ACOXL: variants seen among roughly 807,000 people sequenced by gnomAD.
ACOXL encodes acyl-CoA oxidase like.
ACOXL carries 70 observed loss-of-function variants against 71.9 expected under a neutral mutation model. That is an observed-to-expected ratio of 0.97 (90% CI 0.80 to 1.19). The LOEUF (loss-of-function observed/expected upper bound fraction) is 1.19, where lower values mean the gene tolerates loss of function less well. ACOXL is among the 50% of genes most tolerant of loss of function. The pLI is 0.00. For missense variants in ACOXL, 703 were observed against 736.3 expected (o/e 0.95, Z 0.52); for synonymous variants, 253 against 281.6 (o/e 0.90, Z 1.02).
chr2:110,900,087 ACACACACACACACACACACACAC>A (rs2059169100), intron 10 of ACOXL, among the ~76,000 whole-genome samples: 1 of 4,154 alleles, frequency 2.4e-4, no homozygotes, highest in Non-Finnish European at 6.7e-4. Context: ...ACACACACAT[ACACACACACACACACACACACAC>A]ACACACACAC....
chr2:110,757,746 T>C (rs916871640), intron 1 of ACOXL, among the ~76,000 whole-genome samples: 2 of 152,050 alleles, frequency 1.3e-5, no homozygotes, highest in African/African-American at 4.8e-5. Flanking sequence ...AATGGGGTTT[T>C]TTTTTTTCTT....
intron 11 of ACOXL, 140 bp from the exon 12 acceptor site, chr2:110,933,349 C>A: frequency 9.6e-7 from 1 of 1,046,728 alleles, no homozygotes; most frequent in South Asian, 2.0e-5. Context: ...TTTTTAGTGA[C>A]TATCTACAGT....
At chr2:110,929,762 C>T (rs577321993) in intron 11 of ACOXL, among the ~76,000 whole-genome samples, 5 of 152,302 alleles carry the variant, frequency 3.3e-5, no homozygotes, top group East Asian at 3.9e-4. Context: ...GCTGCTGTAG[C>T]GATGGCTAAA....
intron 10 of ACOXL, among the ~76,000 whole-genome samples, chr2:110,880,949 C>A (rs1696561347): frequency 6.6e-6 from 1 of 152,200 alleles, no homozygotes; most frequent in South Asian, 2.1e-4. Context: ...GATTTTTAAT[C>A]TCTTAGGAAG....
intron 10 of ACOXL, among the ~76,000 whole-genome samples, chr2:110,865,688 A>G (rs1030241977): frequency 2.6e-5 from 4 of 152,250 alleles, no homozygotes; most frequent in African/African-American, 4.8e-5. Flanking sequence ...TGCAGAGGCC[A>G]GCACTGCCAT....
chr2:110,981,227 A>G (rs1192578048), intron 12 of ACOXL, among the ~76,000 whole-genome samples: 1 of 152,198 alleles, frequency 6.6e-6, no homozygotes, highest in Non-Finnish European at 1.5e-5. Flanking sequence ...GTGTGGTAGC[A>G]GGCGCCTGTA....
chr2:110,909,193 T>C (rs1049297164), intron 11 of ACOXL, among the ~76,000 whole-genome samples: 7 of 152,196 alleles, frequency 4.6e-5, no homozygotes, highest in Admixed American at 3.9e-4. Context: ...AGCCAATGTT[T>C]CTCCAGAGTT....
intron 3 of ACOXL, among the ~76,000 whole-genome samples, chr2:110,789,284 G>C (rs1244076989): frequency 6.6e-6 from 1 of 152,204 alleles, no homozygotes; most frequent in Non-Finnish European, 1.5e-5. Flanking sequence ...GTGCAATCTG[G>C]AAGGACTCTA....
At chr2:111,054,197 A>T (rs1418369495) in intron 16 of ACOXL, among the ~76,000 whole-genome samples, 1 of 152,212 alleles carries the variant, frequency 6.6e-6, no homozygotes, top group Non-Finnish European at 1.5e-5. Flanking sequence ...CACAGTAGAA[A>T]AACCAAGCTG....
At chr2:110,943,443 A>C (rs139919164) in intron 12 of ACOXL, among the ~76,000 whole-genome samples, 1 of 152,158 alleles carries the variant, frequency 6.6e-6, no homozygotes, top group East Asian at 1.9e-4. Flanking sequence ...GATTTATCTG[A>C]CCCTAGAGCC....
intron 2 of ACOXL, among the ~76,000 whole-genome samples, chr2:110,771,581 T>C (rs1681938962): frequency 6.6e-6 from 1 of 152,252 alleles, no homozygotes; most frequent in Non-Finnish European, 1.5e-5. Flanking sequence ...ATTTCCACGC[T>C]GTGTTTTCCC....
intron 12 of ACOXL, among the ~76,000 whole-genome samples, chr2:110,971,813 A>G (rs778460159): frequency 3.3e-5 from 5 of 152,168 alleles, no homozygotes; most frequent in African/African-American, 4.8e-5. Context: ...CGTATCAAAA[A>G]ATCTTCTTAA....
intron 9 of ACOXL, among the ~76,000 whole-genome samples, chr2:110,834,406 A>G (rs910805688): frequency 2.0e-5 from 3 of 152,206 alleles, no homozygotes; most frequent in Admixed American, 2.0e-4. Context: ...AAGCAAAGGA[A>G]CTAGAGTGCA....
At chr2:110,969,057 A>G (rs1469854910) in intron 12 of ACOXL, among the ~76,000 whole-genome samples, 4 of 152,226 alleles carry the variant, frequency 2.6e-5, no homozygotes, top group Non-Finnish European at 5.9e-5. Flanking sequence ...ATTAAGCAAC[A>G]TGCTTAAAAT....
intron 16 of ACOXL, among the ~76,000 whole-genome samples, chr2:111,066,396 G>T (rs939958193): frequency 6.6e-6 from 1 of 152,148 alleles, no homozygotes; most frequent in Admixed American, 6.5e-5. Flanking sequence ...TGCAGAAAGA[G>T]GAAGGAAGTA....
chr2:111,110,002 A>G (rs924124362), intron 17 of ACOXL, among the ~76,000 whole-genome samples: 2 of 152,066 alleles, frequency 1.3e-5, no homozygotes, highest in Non-Finnish European at 2.9e-5. Context: ...TCTTGAACAC[A>G]TTTATAATAG....
intron 3 of ACOXL, among the ~76,000 whole-genome samples, chr2:110,786,268 A>G (rs150057683): frequency 1.6e-3 from 249 of 152,340 alleles, no homozygotes; most frequent in East Asian, 5.2e-3. Flanking sequence ...AGTGAGTCCA[A>G]TATGGTGGTG....
chr2:111,006,474 G>A (rs963888554), intron 14 of ACOXL, among the ~76,000 whole-genome samples: 4 of 152,162 alleles, frequency 2.6e-5, no homozygotes, highest in Admixed American at 1.3e-4. Flanking sequence ...GAAGTACAGT[G>A]CTCCCAAGCC....
chr2:111,043,554 G>A (rs909853828), intron 15 of ACOXL, among the ~76,000 whole-genome samples: 16 of 152,156 alleles, frequency 1.1e-4, no homozygotes, highest in African/African-American at 3.6e-4. Context: ...GTCCCACCTC[G>A]TGGTGCGGTC....
Sources: gnomAD v4.1 joint callset for allele counts (sites outside exome capture counted in the v4.1 genomes callset) on GRCh38, gnomAD v4.1.1 for gene constraint, MANE v1.5 for transcripts, NCBI Gene and HGNC (gene_info 2026-07-23, HGNC 2026-07-21) for gene names.